The following OTOF variants were observed in gnomAD, a reference collection of about 807,000 sequenced individuals.
OTOF encodes the protein fer-1-like family member 2.
In OTOF, 218 loss-of-function variants were observed where a neutral mutation model predicts 236.8. The observed-to-expected ratio is 0.92, with a 90% CI of 0.82 to 1.03. The LOEUF (loss-of-function observed/expected upper bound fraction) is 1.03, where lower values mean the gene tolerates loss of function less well. OTOF is among the 50% of genes least tolerant of loss of function. OTOF has a pLI of 0.00. For missense variants in OTOF, 2,590 were observed against 2,694.4 expected (o/e 0.96, Z 0.86); for synonymous variants, 1,041 against 1,072.5 (o/e 0.97, Z 0.57).
rs1390503008 is a variant in OTOF at position 26,489,719 on chromosome 2, C to T, written c.919G>A (p.Val307Ile). 3 of 1,612,886 alleles carry T rather than the reference C, an allele frequency of 1.9e-6. No homozygotes were observed. The highest frequency in any genetic ancestry group is 1.7e-5 in the Admixed American group (1 of 60,008). The part of the protein sequence containing the change: ...YNEYFVFDFH[V>I]SPDVMFDKII... ...TTGTCAAACATGACATCCGGAGAGA[C>T]ATGGAAGTCGAAGACGAAGTACTGG... Residue 307 changes from valine to isoleucine, a missense_variant, in exon 10 of 47, where the codon GTC becomes ATC. Coordinates refer to ENST00000272371, the MANE Select transcript of OTOF (RefSeq NM_194248.3).
In OTOF at chr2:26,489,196, T is replaced by C. The variant is rs1424432437; in HGVS notation, c.1045+15A>G. 2.0e-5 allele frequency: 32 copies of C among 1,595,178 alleles called. No homozygotes were observed. Among genetic ancestry groups the C allele is most frequent in the Non-Finnish European group, 2.7e-5 (32 of 1,166,568 alleles). On this transcript the variant is annotated intron_variant, in intron 11 of 46. Transcript: ENST00000272371. ...CATGCACACCTCGACTGACTGGCCATGCGCAGGTACTCACCTGGCTGCGAG... is the reference window on the plus strand; with the variant it reads ...CATGCACACCTCGACTGACTGGCCACGCGCAGGTACTCACCTGGCTGCGAG...
chr2:26,462,129 C>T lies in OTOF; in HGVS notation c.5245G>A (p.Asp1749Asn), dbSNP rs555613193. Residue 1749 changes from aspartate (D) to asparagine (N), a missense_variant, in exon 42 of 47, where the codon GAC (aspartate) becomes AAC (asparagine). By Grantham distance (23) the Asp-to-Asn change is conservative. Coordinates refer to ENST00000272371, the MANE Select transcript of OTOF (RefSeq NM_194248.3). This position sits in a 1 kb window ranked among gnomAD's most constrained non-coding sequence, Gnocchi z 4.7. ...WNTDEVVLED[D>N]DFFTGEKSSD... ...GACTTCTCCCCTGTGAAGAAGTCGTCGTCCTCCAAGACCACCTCATCTGTG... is the reference window on the plus strand; with the variant it reads ...GACTTCTCCCCTGTGAAGAAGTCGTTGTCCTCCAAGACCACCTCATCTGTG... The T allele has an allele frequency of 2.6e-5, 42 of 1,613,888 alleles. No homozygotes were observed. The highest frequency in any genetic ancestry group is 2.4e-4 in the South Asian group (22 of 91,070).
At chr2:26,464,215 T>A in intron 39 of OTOF, 109 bp from the exon 40 acceptor site, 1 of 1,336,630 alleles carries the variant, frequency 7.5e-7, no homozygotes, top group Non-Finnish European at 1.1e-6. Flanking sequence ...ATCACCTGTC[T>A]ACCCCACCTC....
intron 37 of OTOF, 32 bp downstream of exon 37, chr2:26,465,917 G>C (rs752786842): frequency 6.2e-7 from 1 of 1,614,238 alleles, no homozygotes; most frequent in Middle Eastern, 1.6e-4. Context: ...AGAAGTAGGG[G>C]TGTGGCAGGG....
At chr2:26,493,616 G>A (rs371590205) in intron 9 of OTOF, among the ~76,000 whole-genome samples, 9 of 152,270 alleles carry the variant, frequency 5.9e-5, no homozygotes, top group Middle Eastern at 3.4e-3. Context: ...TCCAACCTGC[G>A]AATGCAACAA....
At chr2:26,511,080 G>A (rs181022460) in intron 5 of OTOF, among the ~76,000 whole-genome samples, 9 of 152,332 alleles carry the variant, frequency 5.9e-5, no homozygotes, top group Non-Finnish European at 1.0e-4. Context: ...AATGTGGGTC[G>A]CAGCTTCCTC....
At position 26,479,500 on chromosome 2, in the gene OTOF, G is replaced by A. The variant is rs1665463228; in HGVS notation, c.2066C>T (p.Pro689Leu). ...AGDLASVSSTPPMRPQVTDRN... is the reference protein window; with the variant it reads ...AGDLASVSSTLPMRPQVTDRN... The stretch of plus-strand genomic sequence containing the variant: ...GTCGGTGACCTGGGGCCGCATTGGT[G>A]GAGTGGAGGAGACTGAGGCCAGGTC... Residue 689 changes from proline to leucine, a missense_variant, in exon 17 of 47, where the codon CCA becomes CTA. This residue lies in a region of OTOF where 1,379 missense variants were observed against 1,341.6 expected (regional missense o/e 1.03). Coordinates refer to ENST00000272371, the MANE Select transcript of OTOF (RefSeq NM_194248.3). 6.2e-7 allele frequency: 1 copy of A among 1,602,546 alleles called. No individual in the cohort carries two copies. The highest frequency in any genetic ancestry group is 8.5e-7 in the Non-Finnish European group (1 of 1,175,538).
chr2:26,477,565 T>C lies in OTOF; in HGVS notation c.2316-59A>G, dbSNP rs542494693. On this transcript the variant is annotated intron_variant, in intron 19 of 46. Coordinates refer to ENST00000272371, the MANE Select transcript of OTOF (RefSeq NM_194248.3). The surrounding 1 kb of genome is among the most constrained non-coding windows in gnomAD (Gnocchi z 4.7). The stretch of plus-strand genomic sequence containing the variant: ...TGACCAGCAGGGGCTCTGTAGATTC[T>C]TCCTCATCTGCCCAGCCCTGGCAGG... 2.2e-4 allele frequency: 356 copies of C among 1,595,636 alleles called. 3 individuals carry two copies. The East Asian group carries it at 6.6e-3, about 30-fold the overall frequency.
chr2:26,537,891 G>T (rs1667113016), intron 1 of OTOF, 117 bp from the exon 2 acceptor site: 1 of 780,956 alleles, frequency 1.3e-6, no homozygotes, highest in Admixed American at 2.0e-5. Context: ...ATGCAACATG[G>T]GACCTCGTGG....
chr2:26,476,019 G>T lies in OTOF; in HGVS notation c.2886C>A (p.Leu962=). The T allele has an allele frequency of 6.2e-7, 1 of 1,612,728 alleles. No homozygotes were observed. The highest frequency in any genetic ancestry group is 1.1e-5 in the South Asian group (1 of 91,024). ...TGCGGGCCTGGTACATGTGCGCTCG[G>T]AGCTGGAACGCCTGCTTCTCTGTGG... The part of the protein sequence containing the change: ...LVYTKKQAFQ[L]RAHMYQARSL... Residue 962 remains leucine, a synonymous_variant, in exon 24 of 47, where the codon CTC becomes CTA. Coordinates refer to ENST00000272371, the MANE Select transcript of OTOF (RefSeq NM_194248.3).
intron 39 of OTOF, 80 bp downstream of exon 39, chr2:26,464,789 C>G: frequency 7.1e-7 from 1 of 1,402,800 alleles, no homozygotes; most frequent in East Asian, 2.4e-5. Context: ...CTGTGAGGTT[C>G]CCCAGGGAAG....
chr2:26,471,819 T>C lies in OTOF; in HGVS notation c.3865-669A>G, dbSNP rs1008768173. Among the ~76,000 whole-genome samples, 9 of 150,242 alleles carry C rather than the reference T, an allele frequency of 6.0e-5. No individual in the cohort carries two copies. The South Asian group carries it at 1.0e-3, about 17-fold the overall frequency. On this transcript the variant is annotated intron_variant, in intron 30 of 46. Coordinates refer to ENST00000272371, the MANE Select transcript of OTOF (RefSeq NM_194248.3). ...CACACATATATGCACATACACCACA[T>C]GCACACATGCACACATGCACATTTA...
intron 1 of OTOF, among the ~76,000 whole-genome samples, chr2:26,538,722 A>C (rs1572489722): frequency 6.6e-6 from 1 of 152,092 alleles, no homozygotes; most frequent in African/African-American, 2.4e-5. Context: ...TAGAGGATGG[A>C]CCAATGACAA....
intron 3 of OTOF, among the ~76,000 whole-genome samples, chr2:26,523,698 C>A (rs1257314751): frequency 6.6e-6 from 1 of 152,226 alleles, no homozygotes; most frequent in Non-Finnish European, 1.5e-5. Context: ...TTTTATTCCA[C>A]AAAATAATCA....
chr2:26,467,396 T>C lies in OTOF; in HGVS notation c.4196A>G (p.Glu1399Gly). 2 of 1,613,882 alleles carry C rather than the reference T, an allele frequency of 1.2e-6. No homozygotes were observed. Residue 1399 changes from glutamate to glycine, a missense_variant, in exon 34 of 47, where the codon GAG (glutamate) becomes GGG (glycine). This residue lies in a region of OTOF where 1,211 missense variants were observed against 1,352.8 expected (regional missense o/e 0.90). Transcript: ENST00000272371. ...CTCATCAATCTTGGGTTTCTTCTTC[T>C]CGGGGGCCTCGGACCCCTGGCCAGA... The part of the protein sequence containing the change: ...SGSGQGSEAP[E>G]KKKPKIDELK...
chr2:26,484,472 A>G lies in OTOF; in HGVS notation c.1205+2T>C. On this transcript the variant is annotated splice_donor_variant, in intron 12 of 46. Coordinates refer to ENST00000272371, the MANE Select transcript of OTOF (RefSeq NM_194248.3). LOFTEE classifies it high-confidence loss of function. ...CCAGGGGCTGGGGTAGCTGGGCCTC[A>G]CCCCTCAATGTCATCTTCGTCGGTC... The G allele has an allele frequency of 6.2e-7, 1 of 1,613,666 alleles. No homozygotes were observed. Among genetic ancestry groups the G allele is most frequent in the Non-Finnish European group, 8.5e-7 (1 of 1,179,944 alleles).
chr2:26,483,047 G>A (rs572860836), intron 13 of OTOF, among the ~76,000 whole-genome samples: 4 of 150,510 alleles, frequency 2.7e-5, no homozygotes, highest in African/African-American at 2.4e-5. Flanking sequence ...GGGTGCATGT[G>A]TGCATGTGTG....
intron 3 of OTOF, among the ~76,000 whole-genome samples, chr2:26,522,866 G>T (rs1320785257): frequency 6.6e-6 from 1 of 152,188 alleles, no homozygotes; most frequent in Non-Finnish European, 1.5e-5. Context: ...GCCTTACAGG[G>T]CCATCCAGGT....
At chr2:26,551,720 AC>A (rs1667467039) in intron 1 of OTOF, among the ~76,000 whole-genome samples, 2 of 152,260 alleles carry the variant, frequency 1.3e-5, no homozygotes, top group Admixed American at 1.3e-4. Context: ...TTTACAAAAC[AC>A]ATTAAAATGA....
Sources: gnomAD v4.1 joint callset for allele counts (sites outside exome capture counted in the v4.1 genomes callset) on GRCh38, gnomAD v4.1.1 for gene constraint, gnomAD v4.1.1 regional missense constraint, Gnocchi (gnomAD v3.1) non-coding constraint, MANE v1.5 for transcripts, NCBI Gene and HGNC (gene_info 2026-07-23, HGNC 2026-07-21) for gene names.